CREB3L1: variants seen among roughly 807,000 people sequenced by gnomAD.
CREB3L1 encodes cyclic AMP-responsive element-binding protein 3-like protein 1.
Under a neutral mutation model 54.5 loss-of-function variants are expected in CREB3L1, and 33 were observed. That is an observed-to-expected ratio of 0.61 (90% CI 0.46 to 0.81). The LOEUF is 0.81. Among genes scored for constraint, CREB3L1 ranks in the 30% least tolerant of loss-of-function variants. CREB3L1 has a pLI of 0.00. For synonymous variants in CREB3L1, 284 were observed against 286.4 expected (o/e 0.99, Z 0.08); for missense variants, 656 against 673.3 (o/e 0.97, Z 0.29).
At chr11:46,280,046 G>A (rs1033654772) in intron 1 of CREB3L1, among the ~76,000 whole-genome samples, 11 of 152,186 alleles carry the variant, frequency 7.2e-5, no homozygotes, top group Non-Finnish European at 1.3e-4. Context: ...GAGGCAGCGG[G>A]AGAAGATGGG....
At chr11:46,282,691 T>C (rs1366358860) in intron 1 of CREB3L1, among the ~76,000 whole-genome samples, 2 of 152,238 alleles carry the variant, frequency 1.3e-5, no homozygotes, top group African/African-American at 2.4e-5. Flanking sequence ...TTTTAGTCTT[T>C]TGATATCTTC....
At chr11:46,307,407 C>A (rs1005846581) in intron 2 of CREB3L1, among the ~76,000 whole-genome samples, 2 of 152,172 alleles carry the variant, frequency 1.3e-5, no homozygotes, top group Non-Finnish European at 2.9e-5. Context: ...TTACTTCTCA[C>A]CAGTGTTAAG....
chr11:46,319,665 G>T (rs1302116168), intron 10 of CREB3L1, among the ~76,000 whole-genome samples: 1 of 151,962 alleles, frequency 6.6e-6, no homozygotes, highest in Non-Finnish European at 1.5e-5. Context: ...ATCACTTGAG[G>T]CCCAGGAGTT....
At chr11:46,300,251 G>A (rs1487181012) in intron 2 of CREB3L1, 88 bp downstream of exon 2, 10 of 1,021,700 alleles carry the variant, frequency 9.8e-6, no homozygotes, top group Admixed American at 2.1e-5. Context: ...TGTGCCTGCA[G>A]CCTGAGACTC....
chr11:46,302,954 G>A (rs1047103641), intron 2 of CREB3L1, among the ~76,000 whole-genome samples: 9 of 152,104 alleles, frequency 5.9e-5, no homozygotes, highest in Admixed American at 3.9e-4. Flanking sequence ...GCACTCCAGC[G>A]GAGGTGACAA....
rs35636632 is a variant in CREB3L1, at chr11:46,320,395, C to T, written c.1390C>T (p.Arg464Trp). Reference sequence around the variant, plus strand: ...CGGGGGGCCGGCAGAGCAGCGGCCCCGGGACCACCTGCAGCATGATCACCT... The same window carrying T: ...CGGGGGGCCGGCAGAGCAGCGGCCCTGGGACCACCTGCAGCATGATCACCT... Reference protein sequence around the residue: ...NPGGPAEQRPRDHLQHDHLDS... With the variant: ...NPGGPAEQRPWDHLQHDHLDS... Residue 464 changes from arginine (R) to tryptophan (W), a missense_variant, in exon 11 of 12, where the codon CGG becomes TGG. Arg to Trp is a moderately radical substitution (Grantham distance 101). Around this residue, in one of 3 missense-constraint regions of CREB3L1, gnomAD observed 240 missense variants for 219.8 expected, o/e 1.09. Transcript: ENST00000621158. 101 of 1,610,864 alleles carry T rather than the reference C, an allele frequency of 6.3e-5. No homozygotes were observed. In the African/African-American group the frequency reaches 7.5e-4, roughly 12 times the overall value.
intron 1 of CREB3L1, among the ~76,000 whole-genome samples, chr11:46,293,736 A>T (rs953014077): frequency 1.3e-5 from 2 of 152,234 alleles, no homozygotes; most frequent in African/African-American, 2.4e-5. Flanking sequence ...TGACTCAGTC[A>T]TCTCAGGCAC....
rs1939274477 is a variant in CREB3L1 at position 46,300,135 on chromosome 11, G to A, written c.303G>A (p.Val101=). Residue 101 remains valine (V), a synonymous_variant, in exon 2 of 12, where the codon GTG becomes GTA. Coordinates refer to ENST00000621158, the MANE Select transcript of CREB3L1 (RefSeq NM_052854.4). ...SGDSAPQSPL[V]PIKMEDTTQD... ...ACTCAGCGCCCCAGAGCCCCCTTGTGCCCATCAAGATGGAGGACACCACCC... is the reference window on the plus strand; with the variant it reads ...ACTCAGCGCCCCAGAGCCCCCTTGTACCCATCAAGATGGAGGACACCACCC... 6.2e-7 allele frequency: 1 copy of A among 1,613,120 alleles called. No individual in the cohort carries two copies. Among genetic ancestry groups the A allele is most frequent in the South Asian group, 1.1e-5 (1 of 90,908 alleles).
chr11:46,277,995 G>GC lies in CREB3L1; in HGVS notation c.-113dup. Reference sequence around the variant, plus strand: ...CCGTCCGCCCCTCCCCCGGGGCTTCGCCCCGGACCTGCCCCCCGCCCGTTT... The same window carrying GC: ...CCGTCCGCCCCTCCCCCGGGGCTTCGCCCCCGGACCTGCCCCCCGCCCGTTT... On this transcript the variant is annotated 5_prime_UTR_variant, in exon 1 of 12. Transcript: ENST00000621158. The GC allele has an allele frequency of 4.6e-6, 2 of 435,806 alleles. No homozygotes were observed. Among genetic ancestry groups the GC allele is most frequent in the African/African-American group, 2.1e-5 (1 of 48,450 alleles). The allele number at this position is 435,806 out of a possible 1,614,324, so 27.0% of individuals were successfully genotyped here.
rs1440396991 is a variant in CREB3L1 at position 46,302,163 on chromosome 11, G to A, written c.331+2000G>A. ...AGCCTGGGCAACAGAGCGAGGCTCC[G>A]TCTCAAATAATAATAATAATAATAA... is the stretch of plus-strand genomic sequence containing the variant. On this transcript the variant is annotated intron_variant, in intron 2 of 11. Coordinates refer to ENST00000621158, the MANE Select transcript of CREB3L1 (RefSeq NM_052854.4). Among the ~76,000 whole-genome samples, 3 of 125,462 alleles carry A rather than the reference G, an allele frequency of 2.4e-5. No individual in the cohort carries two copies. In the East Asian group the frequency reaches 7.2e-4, roughly 30 times the overall value. The allele number at this position is 125,462 out of a possible 152,430, so 82.3% of individuals were successfully genotyped here.
chr11:46,312,448 AG>A lies in CREB3L1; in HGVS notation c.878del (p.Arg293LysfsTer26). On this transcript the variant is annotated frameshift_variant, in exon 6 of 12. Coordinates refer to ENST00000621158, the MANE Select transcript of CREB3L1 (RefSeq NM_052854.4). LOFTEE classifies it high-confidence loss of function. ...LTKAEEKALKRVRRKIKNKIS... is the reference protein window; with the variant it reads ...LTKAEEKALKXVRRKIKNKIS... Reference sequence around the variant, plus strand: ...CAAAGCCGAGGAGAAGGCCTTGAAGAGAGTCCGGAGGAAAATCAAGAACAAG... The same window carrying A: ...CAAAGCCGAGGAGAAGGCCTTGAAGAAGTCCGGAGGAAAATCAAGAACAAG... 1 of 1,613,786 alleles carries A rather than the reference AG, an allele frequency of 6.2e-7. No homozygotes were observed. Among genetic ancestry groups the A allele is most frequent in the African/African-American group, 1.3e-5 (1 of 75,042 alleles).
intron 2 of CREB3L1, among the ~76,000 whole-genome samples, chr11:46,304,074 T>C (rs140446513): frequency 1.5e-3 from 227 of 152,332 alleles, no homozygotes; most frequent in African/African-American, 5.1e-3. Context: ...TTCTTATTCC[T>C]CTTTCCCTCT....
At chr11:46,309,113 T>C (rs551928725) in intron 3 of CREB3L1, among the ~76,000 whole-genome samples, 2 of 152,276 alleles carry the variant, frequency 1.3e-5, no homozygotes, top group Non-Finnish European at 2.9e-5. Context: ...AACAGTGAGC[T>C]CTCTGCACCG....
chr11:46,305,462 G>A (rs1004594796), intron 2 of CREB3L1, among the ~76,000 whole-genome samples: 25 of 151,672 alleles, frequency 1.6e-4, no homozygotes, highest in Admixed American at 1.6e-3. Context: ...CCTTTGCTCA[G>A]GCCTCCCCTT....
chr11:46,319,102 G>T (rs183417570), intron 10 of CREB3L1, among the ~76,000 whole-genome samples: 1 of 152,360 alleles, frequency 6.6e-6, no homozygotes, highest in East Asian at 1.9e-4. Flanking sequence ...TAAAGCCACA[G>T]TGAGAGGAGG....
chr11:46,310,428 T>C (rs1028143336), intron 4 of CREB3L1, among the ~76,000 whole-genome samples: 1 of 151,896 alleles, frequency 6.6e-6, no homozygotes, highest in Non-Finnish European at 1.5e-5. Context: ...CCACCACGCC[T>C]GGCTAATTTT....
rs1189893035 is a variant in CREB3L1, at chr11:46,278,487, C to T, written c.102+274C>T. 2.0e-5 allele frequency among the ~76,000 whole-genome samples: 3 copies of T among 152,240 alleles called. No individual in the cohort carries two copies. Among genetic ancestry groups the T allele is most frequent in the Non-Finnish European group, 4.4e-5 (3 of 68,032 alleles). ...ATCTGAGCTCAAGAGACACCAATCC[C>T]GCCCTCCACCCACGTCTTCTAGCCG... On this transcript the variant is annotated intron_variant, in intron 1 of 11. Coordinates refer to ENST00000621158, the MANE Select transcript of CREB3L1 (RefSeq NM_052854.4). The surrounding 1 kb of genome is among the most constrained non-coding windows in gnomAD (Gnocchi z 4.2).
At chr11:46,304,380 T>A (rs969072737) in intron 2 of CREB3L1, among the ~76,000 whole-genome samples, 2 of 152,016 alleles carry the variant, frequency 1.3e-5, no homozygotes, top group African/African-American at 4.8e-5. Context: ...GCTGAGGCAG[T>A]AGAATCGGTG....
At chr11:46,296,152 C>G (rs1203359947) in intron 1 of CREB3L1, among the ~76,000 whole-genome samples, 1 of 152,166 alleles carries the variant, frequency 6.6e-6, no homozygotes, top group Non-Finnish European at 1.5e-5. Flanking sequence ...CTCTTGCTCC[C>G]CAATTTCCAT....
Sources: gnomAD v4.1 joint callset for allele counts (sites outside exome capture counted in the v4.1 genomes callset) on GRCh38, gnomAD v4.1.1 for gene constraint, gnomAD v4.1.1 regional missense constraint, Gnocchi (gnomAD v3.1) non-coding constraint, MANE v1.5 for transcripts, NCBI Gene and HGNC (gene_info 2026-07-23, HGNC 2026-07-21) for gene names.